PER1: variants seen among roughly 807,000 people sequenced by gnomAD.
The protein encoded by PER1 is period circadian protein homolog 1.
PER1 carries 87 observed loss-of-function variants against 125.9 expected under a neutral mutation model. That is an observed-to-expected ratio of 0.69 (90% CI 0.58 to 0.83). The LOEUF is 0.83. Ranked by LOEUF, PER1 falls within the 40% of genes least tolerant of loss-of-function variation. The probability of loss-of-function intolerance (pLI) is 0.00; values close to 1 mark genes in which losing one functional copy is unlikely to be tolerated. For synonymous variants in PER1, 801 were observed against 714.7 expected (o/e 1.12, Z -1.93); for missense variants, 1,775 against 1,722.8 (o/e 1.03, Z -0.54).
chr17:8,142,166 A>G (rs1172721157), intron 21 of PER1, 103 bp downstream of exon 21: 3 of 1,123,392 alleles, frequency 2.7e-6, no homozygotes, highest in Non-Finnish European at 3.8e-6. Context: ...GAAGAAAGAT[A>G]GAAACGTTTA....
chr17:8,140,966 C>T lies in PER1; in HGVS notation c.*102G>A. 1 of 1,319,348 alleles carries T rather than the reference C, an allele frequency of 7.6e-7. No individual in the cohort carries two copies. Among genetic ancestry groups the T allele is most frequent in the Non-Finnish European group, 1.1e-6 (1 of 951,952 alleles). 81.7% of individuals were successfully genotyped at this position (1,319,348 alleles called of 1,614,324 possible). ...CCCCCTATGGTGGGAGAAGCTGGGGCAGTTTCCCACTGGTTGGTCTAGCCA... is the reference window on the plus strand; with the variant it reads ...CCCCCTATGGTGGGAGAAGCTGGGGTAGTTTCCCACTGGTTGGTCTAGCCA... On this transcript the variant is annotated 3_prime_UTR_variant, in exon 23 of 23. Coordinates refer to ENST00000317276, the MANE Select transcript of PER1 (RefSeq NM_002616.3).
chr17:8,144,259 C>T (rs1459336267), intron 18 of PER1: 8 of 390,338 alleles, frequency 2.0e-5, no homozygotes, highest in Admixed American at 4.1e-5. Flanking sequence ...CCATCGAGGC[C>T]GTATTCTGCC....
chr17:8,141,653 CCAAGGACAT>C (rs1982083198), intron 22 of PER1, 143 bp downstream of exon 22: 2 of 1,063,214 alleles, frequency 1.9e-6, no homozygotes, highest in East Asian at 2.5e-5. Context: ...AATTAATGAT[CCAAGGACAT>C]CAAGGAGATC....
Position 8,150,853 on chromosome 17 carries a change from G to A in PER1, c.-139-8C>T. 1 of 680,610 alleles carries A rather than the reference G, an allele frequency of 1.5e-6. No individual in the cohort carries two copies. Among genetic ancestry groups the A allele is most frequent in the South Asian group, 2.3e-5 (1 of 43,036 alleles). The allele number at this position is 680,610 out of a possible 1,614,324, so 42.2% of individuals were successfully genotyped here. On this transcript the variant is annotated splice_polypyrimidine_tract_variant and splice_region_variant and intron_variant, in intron 1 of 22. Transcript: ENST00000317276. ...TTCGATCACAGCCAGTACCTGGAGA[G>A]GGAGACCAGGAAGCAGGGCTTGCAG...
chr17:8,148,335 C>T (rs1318658157), intron 8 of PER1, 76 bp from the exon 9 acceptor site: 1 of 1,267,900 alleles, frequency 7.9e-7, no homozygotes, highest in African/African-American at 1.5e-5. Flanking sequence ...TGCCTGGGCC[C>T]AGGCTGGCTG....
At position 8,148,265 on chromosome 17, in the gene PER1, GCA is replaced by G; in HGVS notation, c.1049-8_1049-7del. The G allele has an allele frequency of 6.2e-7, 1 of 1,612,488 alleles. No homozygotes were observed. Among genetic ancestry groups the G allele is most frequent in the Non-Finnish European group, 8.5e-7 (1 of 1,178,608 alleles). On this transcript the variant is annotated splice_polypyrimidine_tract_variant and splice_region_variant and intron_variant, in intron 8 of 22. Coordinates refer to ENST00000317276, the MANE Select transcript of PER1 (RefSeq NM_002616.3). ...GTCAGGGGGTATCCGGGGAGCTGAG[GCA>G]CAGAGAGTGTGGTCACTGGGTTTCG...
In PER1 at chr17:8,149,293, A is replaced by T. The variant is rs1419659803; in HGVS notation, c.871T>A (p.Phe291Ile). The T allele has an allele frequency of 6.2e-7, 1 of 1,613,836 alleles. No homozygotes were observed. Among genetic ancestry groups the T allele is most frequent in the African/African-American group, 1.3e-5 (1 of 74,892 alleles). The stretch of plus-strand genomic sequence containing the variant: ...CAGAAGACGGACTTCTCCTGGGTAA[A>T]GTCCCTGAGGCCTGAACCTGGGACA... Reference protein sequence around the residue: ...GASAGSGLRDFTQEKSVFCRI... With the variant: ...GASAGSGLRDITQEKSVFCRI... The change falls in exon 7 of 23, where the codon TTT becomes ATT. Residue 291 changes from phenylalanine (F) to isoleucine (I), a missense_variant. By Grantham distance (21) the Phe-to-Ile change is conservative. Coordinates refer to ENST00000317276, the MANE Select transcript of PER1 (RefSeq NM_002616.3).
intron 1 of PER1, among the ~76,000 whole-genome samples, chr17:8,151,595 C>T (rs1238807616): frequency 1.3e-5 from 2 of 152,208 alleles, no homozygotes; most frequent in African/African-American, 4.8e-5. Context: ...AGCCCCTCAA[C>T]CTGACTCTCG....
At position 8,142,765 on chromosome 17, in the gene PER1, TGCA is replaced by T. The variant is rs1162866429; in HGVS notation, c.3140_3142del (p.Leu1047del). On this transcript the variant is annotated inframe_deletion, in exon 20 of 23. Coordinates refer to ENST00000317276, the MANE Select transcript of PER1 (RefSeq NM_002616.3). The stretch of plus-strand genomic sequence containing the variant: ...GCCTGTGCCGGAGCGCGAGTCCTCT[TGCA>T]GCAGAAGTTCGAGCAGGTCACTGGA... The T allele has an allele frequency of 6.2e-7, 1 of 1,613,636 alleles. No homozygotes were observed. Among genetic ancestry groups the T allele is most frequent in the Non-Finnish European group, 8.5e-7 (1 of 1,179,996 alleles).
Position 8,142,871 on chromosome 17 carries a change from G to A in PER1, c.3073-36C>T, listed in dbSNP as rs772513297. ...GGAGGGGGGCAAGGAGGGATGGAGGGGTCAGCACCTAGGCCTCCCTTCAAC... is the reference window on the plus strand; with the variant it reads ...GGAGGGGGGCAAGGAGGGATGGAGGAGTCAGCACCTAGGCCTCCCTTCAAC... On this transcript the variant is annotated intron_variant, in intron 19 of 22. Transcript: ENST00000317276. The A allele has an allele frequency of 3.3e-6, 5 of 1,496,460 alleles. No individual in the cohort carries two copies. In the Admixed American group the frequency reaches 7.7e-5, roughly 23 times the overall value. 92.7% of individuals were successfully genotyped at this position (1,496,460 alleles called of 1,614,324 possible).
Position 8,141,919 on chromosome 17 carries a change from C to A in PER1, c.3486G>T (p.Arg1162=), listed in dbSNP as rs894300804. Residue 1162 remains arginine (R), a synonymous_variant, in exon 22 of 23, where the codon CGG becomes CGT. Coordinates refer to ENST00000317276, the MANE Select transcript of PER1 (RefSeq NM_002616.3). ...MTSVLKQDRE[R]LRAMQKQQPR... is the part of the protein sequence containing the mutation. ...GCTGCTGCTTCTGCATGGCTCGGAGCCGCTCCCGATCCTGCTTCAGCACAG... is the reference window on the plus strand; with the variant it reads ...GCTGCTGCTTCTGCATGGCTCGGAGACGCTCCCGATCCTGCTTCAGCACAG... 9.9e-6 allele frequency: 16 copies of A among 1,613,934 alleles called. No homozygotes were observed. The highest frequency in any genetic ancestry group is 1.4e-5 in the Non-Finnish European group (16 of 1,180,044).
intron 18 of PER1, chr17:8,144,286 G>A (rs149755894): frequency 9.9e-4 from 400 of 403,410 alleles, no homozygotes; most frequent in African/African-American, 7.5e-3. Flanking sequence ...GCAATGGAGT[G>A]AAGAGTGGGG....
chr17:8,147,161 T>C, intron 13 of PER1, 89 bp downstream of exon 13: 1 of 1,498,738 alleles, frequency 6.7e-7, no homozygotes, highest in Non-Finnish European at 9.0e-7. Flanking sequence ...CAAAGGAGGA[T>C]CGGGCAAGAC....
Position 8,141,089 on chromosome 17 carries a change from T to A in PER1, c.3852A>T (p.Thr1284=). The A allele has an allele frequency of 1.2e-6, 2 of 1,613,518 alleles. No individual in the cohort carries two copies. Among genetic ancestry groups the A allele is most frequent in the Non-Finnish European group, 1.7e-6 (2 of 1,179,568 alleles). ...GRSSSSPALP[T]AGNCTS ...GAGTCTAGCTGGTGCAGTTTCCTGC[T>A]GTAGGTAAGGCTGGACTGGATGAGC... Residue 1284 remains threonine (T), a synonymous_variant, in exon 23 of 23, where the codon ACA becomes ACT. Coordinates refer to ENST00000317276, the MANE Select transcript of PER1 (RefSeq NM_002616.3).
Position 8,142,847 on chromosome 17 carries a change from G to A in PER1, c.3073-12C>T, listed in dbSNP as rs2151859205. On this transcript the variant is annotated splice_polypyrimidine_tract_variant and intron_variant, in intron 19 of 22. Transcript: ENST00000317276. ...TCAGTGACCTCCGCCTGGAGGAGGG[G>A]AGGGGGGCAAGGAGGGATGGAGGGG... 11 of 1,580,178 alleles carry A rather than the reference G, an allele frequency of 7.0e-6. No individual in the cohort carries two copies. Among genetic ancestry groups the A allele is most frequent in the Non-Finnish European group, 9.4e-6 (11 of 1,166,120 alleles).
At chr17:8,148,847 A>G in intron 7 of PER1, 61 bp from the exon 8 acceptor site, 1 of 1,583,536 alleles carries the variant, frequency 6.3e-7, no homozygotes, top group Non-Finnish European at 8.6e-7. Flanking sequence ...TCCTCCAACA[A>G]TAAGGTCACA....
rs752467353 is a variant in PER1, at chr17:8,150,766, G to A, written c.-60C>T. On this transcript the variant is annotated 5_prime_UTR_variant, in exon 2 of 23. Transcript: ENST00000317276. ...AGAGAGGCCACCACGGATGCACGAG[G>A]GGGCCTGGAGGCTTGGCTGAGGGAG... The A allele has an allele frequency of 2.8e-6, 4 of 1,453,948 alleles. No homozygotes were observed. Among genetic ancestry groups the A allele is most frequent in the Admixed American group, 4.6e-5 (2 of 43,406 alleles). The allele number at this position is 1,453,948 out of a possible 1,614,324, so 90.1% of individuals were successfully genotyped here. A position where few individuals can be genotyped will look rare whatever the true frequency, so the allele number is the denominator to read the frequency against.
rs1982705744 is a variant in PER1, at chr17:8,149,658, G to A, written c.657C>T (p.Thr219=). The A allele has an allele frequency of 6.2e-7, 1 of 1,609,912 alleles. No homozygotes were observed. Among genetic ancestry groups the A allele is most frequent in the Non-Finnish European group, 8.5e-7 (1 of 1,176,360 alleles). ...TCAGGAAGGAGACAGCCACTGAGAA[G>A]GTATCCTGGCAGGAGGGGGAGAGCA... ...TSEYTLQNQD[T]FSVAVSFLTG... The change falls in exon 6 of 23, where the codon ACC becomes ACT. Residue 219 remains threonine (T), a synonymous_variant. Coordinates refer to ENST00000317276, the MANE Select transcript of PER1 (RefSeq NM_002616.3).
Position 8,148,742 on chromosome 17 carries a change from C to A in PER1, c.950G>T (p.Arg317Leu). Reference protein sequence around the residue: ...RDPGPRYQPFRLTPYVTKIRV... With the variant: ...RDPGPRYQPFLLTPYVTKIRV... ...GATCTTGGTCACATACGGGGTTAGG[C>A]GGAATGGCTGGTACCGAGGCCCTGG... The change falls in exon 8 of 23, where the codon CGC becomes CTC. Residue 317 changes from arginine to leucine, a missense_variant. Transcript: ENST00000317276. 1 of 1,613,968 alleles carries A rather than the reference C, an allele frequency of 6.2e-7. No homozygotes were observed. Among genetic ancestry groups the A allele is most frequent in the Non-Finnish European group, 8.5e-7 (1 of 1,179,942 alleles).
Sources: allele counts gnomAD v4.1 joint callset (sites outside exome capture counted in the v4.1 genomes callset), GRCh38; gene constraint gnomAD v4.1.1; transcripts MANE v1.5; gene names NCBI Gene and HGNC (gene_info 2026-07-23, HGNC 2026-07-21).